CLTB: variants seen among roughly 807,000 people sequenced by gnomAD.
CLTB encodes the protein clathrin, light chain (Lcb).
CLTB carries 10 observed loss-of-function variants against 30.5 expected under a neutral mutation model. That is an observed-to-expected ratio of 0.33 (90% confidence interval 0.20 to 0.56). The LOEUF (loss-of-function observed/expected upper bound fraction) is 0.56, where lower values mean the gene tolerates loss of function less well. Ranked by LOEUF, CLTB falls within the 20% of genes least tolerant of loss-of-function variation. CLTB has a pLI of 0.91. For synonymous variants in CLTB, 102 were observed against 120.3 expected (o/e 0.85, Z 1.00); for missense variants, 261 against 308.3 (o/e 0.85, Z 1.15).
At chr5:176,409,896 C>T (rs1041339320) in intron 2 of CLTB, among the ~76,000 whole-genome samples, 34 of 152,318 alleles carry the variant, frequency 2.2e-4, no homozygotes, top group Non-Finnish European at 5.9e-5. Flanking sequence ...GATCAAAGGG[C>T]CCGCCCTGTG....
rs771010857 is a variant in CLTB, at chr5:176,416,199, C to A, written c.165G>T (p.Ala55=). The change falls in exon 1 of 6, where the codon GCG becomes GCT. Residue 55 remains alanine, a synonymous_variant. Transcript: ENST00000310418. The stretch of plus-strand genomic sequence containing the variant: ...CACCCCCACTCGTGGGGCCCGGCTG[C>A]GCGGGGGCCGCATGGCTGCCGGCAG... ...GAPAGSHAAP[A]QPGPTSGAGS... The A allele has an allele frequency of 6.3e-7, 1 of 1,588,256 alleles. No individual in the cohort carries two copies. The highest frequency in any genetic ancestry group is 1.1e-5 in the South Asian group (1 of 88,646).
intron 1 of CLTB, 87 bp downstream of exon 1, chr5:176,416,090 A>T: frequency 7.9e-7 from 1 of 1,270,438 alleles, no homozygotes; most frequent in Non-Finnish European, 1.0e-6. Flanking sequence ...GGCCTAGAGC[A>T]GGCTCTCTTC....
At chr5:176,408,363 C>G (rs1581442746) in intron 2 of CLTB, among the ~76,000 whole-genome samples, 1 of 151,730 alleles carries the variant, frequency 6.6e-6, no homozygotes, top group Non-Finnish European at 1.5e-5. Flanking sequence ...GATGAAACAC[C>G]ATCTCTACTA....
intron 1 of CLTB, among the ~76,000 whole-genome samples, chr5:176,415,373 A>C (rs1057297368): frequency 6.6e-6 from 1 of 152,152 alleles, no homozygotes; most frequent in African/African-American, 2.4e-5. Context: ...GAGGGCTTCA[A>C]GTCCGACAGG....
chr5:176,402,424 A>G (rs978603884), intron 2 of CLTB, among the ~76,000 whole-genome samples: 2 of 152,358 alleles, frequency 1.3e-5, no homozygotes, highest in Admixed American at 1.3e-4. Context: ...CACTCTTGCC[A>G]CACTGGCCTT....
intron 2 of CLTB, among the ~76,000 whole-genome samples, chr5:176,400,598 C>T (rs1288617533): frequency 6.6e-6 from 1 of 152,266 alleles, no homozygotes; most frequent in Non-Finnish European, 1.5e-5. Context: ...CACACCCGCT[C>T]TGGCACCCAC....
At position 176,393,083 on chromosome 5, in the gene CLTB, G is replaced by A. The variant is rs537063143; in HGVS notation, c.519-138C>T. The A allele has an allele frequency of 2.2e-6, 2 of 929,088 alleles. No homozygotes were observed. Among genetic ancestry groups the A allele is most frequent in the South Asian group, 3.0e-5 (2 of 66,040 alleles). 57.6% of individuals were successfully genotyped at this position (929,088 alleles called of 1,614,324 possible). ...TGTGCCCCCCTGACTTCAGAGGAGG[G>A]CAGCCTTGGCGCAGGAGGAAGCCTA... On this transcript the variant is annotated intron_variant, in intron 5 of 5. Transcript: ENST00000310418. This position sits in a 1 kb window ranked among gnomAD's most constrained non-coding sequence, Gnocchi z 4.4.
intron 5 of CLTB, among the ~76,000 whole-genome samples, chr5:176,396,256 C>G (rs1394815704): frequency 6.6e-6 from 1 of 152,132 alleles, no homozygotes; most frequent in East Asian, 1.9e-4. Context: ...ATTCCTTTCT[C>G]TGCCTTTATC....
At chr5:176,396,447 TCCC>T (rs781485327) in intron 5 of CLTB, 29 bp downstream of exon 5, 19 of 1,586,804 alleles carry the variant, frequency 1.2e-5, no homozygotes, top group Admixed American at 1.7e-5. Context: ...CCTCTCTAGC[TCCC>T]CCAACAGAGA....
intron 5 of CLTB, 128 bp downstream of exon 5, chr5:176,396,351 C>A (rs1756519509): frequency 2.3e-6 from 2 of 852,760 alleles, no homozygotes; most frequent in Non-Finnish European, 2.0e-6. Flanking sequence ...AGGGCATTTG[C>A]CTCCTGTTCT....
chr5:176,395,297 A>AG (rs1230764174), intron 5 of CLTB, among the ~76,000 whole-genome samples: 2 of 152,204 alleles, frequency 1.3e-5, no homozygotes, highest in Non-Finnish European at 2.9e-5. Context: ...CCAGGCAGAG[A>AG]GTGGCTTCCA....
chr5:176,400,285 T>G (rs934146248), intron 2 of CLTB, among the ~76,000 whole-genome samples: 1 of 152,122 alleles, frequency 6.6e-6, no homozygotes. Flanking sequence ...TACTATAATA[T>G]TTGTGAGATA....
intron 1 of CLTB, among the ~76,000 whole-genome samples, chr5:176,411,808 C>G (rs1757437211): frequency 1.3e-5 from 2 of 152,194 alleles, no homozygotes; most frequent in African/African-American, 4.8e-5. Flanking sequence ...CCCACAAACC[C>G]TAAATTCTGG....
At position 176,392,901 on chromosome 5, in the gene CLTB, G is replaced by A; in HGVS notation, c.563C>T (p.Pro188Leu). The change falls in exon 6 of 6, where the codon CCA becomes CTA. Residue 188 changes from proline (P) to leucine (L), a missense_variant. Pro to Leu is a moderately conservative substitution (Grantham distance 98). This residue lies in a region of CLTB where 123 missense variants were observed against 157.0 expected (regional missense o/e 0.78). Transcript: ENST00000310418. This position sits in a 1 kb window ranked among gnomAD's most constrained non-coding sequence, Gnocchi z 5.2. ...AFVKESKEETPGTEWEKVAQL... is the reference protein window; with the variant it reads ...AFVKESKEETLGTEWEKVAQL... ...GGCCACCTTCTCCCACTCTGTGCCT[G>A]GGGTCTCCTCCTTGGATTCCTTCAC... is the stretch of plus-strand genomic sequence containing the variant. The A allele has an allele frequency of 1.9e-6, 3 of 1,614,188 alleles. No individual in the cohort carries two copies. The highest frequency in any genetic ancestry group is 2.5e-6 in the Non-Finnish European group (3 of 1,180,004).
At chr5:176,394,989 C>T (rs1305783918) in intron 5 of CLTB, among the ~76,000 whole-genome samples, 1 of 152,080 alleles carries the variant, frequency 6.6e-6, no homozygotes, top group Non-Finnish European at 1.5e-5. Flanking sequence ...CCTGTGGCTC[C>T]CCACTGCCTT....
intron 2 of CLTB, among the ~76,000 whole-genome samples, chr5:176,403,461 T>TG (rs1037577966): frequency 1.7e-4 from 26 of 151,092 alleles, no homozygotes; most frequent in Admixed American, 4.0e-4. Context: ...TGTTTTGTTT[T>TG]TTTTCTTTTT....
At chr5:176,412,433 G>A (rs987373524) in intron 1 of CLTB, among the ~76,000 whole-genome samples, 4 of 152,130 alleles carry the variant, frequency 2.6e-5, no homozygotes, top group Admixed American at 6.5e-5. Flanking sequence ...GCTCCAGCAC[G>A]GAATGGGTGA....
At chr5:176,395,456 C>T (rs1393573971) in intron 5 of CLTB, among the ~76,000 whole-genome samples, 4 of 152,152 alleles carry the variant, frequency 2.6e-5, no homozygotes, top group Admixed American at 6.5e-5. Flanking sequence ...AGGAAGCAGA[C>T]GAAGGCTCTG....
At chr5:176,408,468 G>A (rs989715881) in intron 2 of CLTB, among the ~76,000 whole-genome samples, 5 of 151,816 alleles carry the variant, frequency 3.3e-5, no homozygotes, top group Middle Eastern at 6.8e-3. Context: ...CTCAGGAGGC[G>A]GAGGCTGCAG....
Sources: allele counts gnomAD v4.1 joint callset (sites outside exome capture counted in the v4.1 genomes callset), GRCh38; gene constraint gnomAD v4.1.1; regional missense constraint gnomAD v4.1.1; non-coding constraint Gnocchi (gnomAD v3.1); transcripts MANE v1.5; gene names NCBI Gene and HGNC (gene_info 2026-07-23, HGNC 2026-07-21).